TPRG1: variants seen among roughly 807,000 people sequenced by gnomAD.
The protein encoded by TPRG1 is tumor protein p63-regulated gene 1 protein.
A neutral mutation model predicts 29.3 loss-of-function variants in TPRG1; 29 were observed. The observed-to-expected ratio is 0.99, with a 90% CI of 0.74 to 1.35. The LOEUF (loss-of-function observed/expected upper bound fraction) is 1.35, where lower values mean the gene tolerates loss of function less well. TPRG1 is among the 40% of genes most tolerant of loss of function. The probability of loss-of-function intolerance (pLI) is 0.00; values close to 1 mark genes in which losing one functional copy is unlikely to be tolerated. For missense variants in TPRG1, 327 were observed against 335.0 expected (o/e 0.98, Z 0.19); for synonymous variants, 130 against 116.8 (o/e 1.11, Z -0.73).
chr3:189,072,164 T>G (rs1263504569), intron 4 of TPRG1, among the ~76,000 whole-genome samples: 1 of 152,226 alleles, frequency 6.6e-6, no homozygotes, highest in Non-Finnish European at 1.5e-5. Context: ...GCCCATCATT[T>G]AAGGATTTCC....
intron 5 of TPRG1, among the ~76,000 whole-genome samples, chr3:189,162,863 AAACT>A (rs1469717002): frequency 6.6e-6 from 1 of 152,254 alleles, no homozygotes; most frequent in Non-Finnish European, 1.5e-5. Flanking sequence ...GTTATTGTAG[AAACT>A]AACTGATTAA....
chr3:189,175,873 TCTTAA>T (rs1729424026), intron 1 of TPRG1, among the ~76,000 whole-genome samples: 1 of 152,202 alleles, frequency 6.6e-6, no homozygotes, highest in Admixed American at 6.5e-5. Flanking sequence ...CAAGTTGAGT[TCTTAA>T]CTTGTGTGAT....
intron 3 of TPRG1, among the ~76,000 whole-genome samples, chr3:189,236,204 G>A (rs1739432528): frequency 6.6e-6 from 1 of 152,166 alleles, no homozygotes; most frequent in Non-Finnish European, 1.5e-5. Flanking sequence ...TTGTGTCAGA[G>A]CAGAGCACTC....
At chr3:189,082,703 G>A (rs754897154) in intron 4 of TPRG1, among the ~76,000 whole-genome samples, 5 of 152,048 alleles carry the variant, frequency 3.3e-5, no homozygotes, top group South Asian at 2.1e-4. Flanking sequence ...TGAATTTCTC[G>A]AGCTCAGAAG....
At chr3:189,257,387 T>C (rs1712095131) in intron 4 of TPRG1, among the ~76,000 whole-genome samples, 1 of 152,236 alleles carries the variant, frequency 6.6e-6, no homozygotes, top group African/African-American at 2.4e-5. Flanking sequence ...GTTAGTCTGA[T>C]GGGCTTCCCT....
chr3:189,215,937 C>A (rs1301699325), intron 3 of TPRG1, among the ~76,000 whole-genome samples: 1 of 152,170 alleles, frequency 6.6e-6, no homozygotes, highest in Non-Finnish European at 1.5e-5. Context: ...TAACTGCCTG[C>A]ATTCCCCCCA....
chr3:189,143,877 G>A (rs929759682), intron 3 of TPRG1, among the ~76,000 whole-genome samples: 1 of 152,250 alleles, frequency 6.6e-6, no homozygotes, highest in South Asian at 2.1e-4. Context: ...AAGACTGGGG[G>A]CTTGAAGCTT....
chr3:189,062,344 T>G (rs1716168580), intron 4 of TPRG1, among the ~76,000 whole-genome samples: 1 of 152,128 alleles, frequency 6.6e-6, no homozygotes, highest in Admixed American at 6.6e-5. Context: ...ATACTAGGCT[T>G]AATACCTGGG....
At chr3:188,999,899 C>T (rs1158753692) in intron 1 of TPRG1, among the ~76,000 whole-genome samples, 6 of 151,956 alleles carry the variant, frequency 3.9e-5, no homozygotes, top group African/African-American at 1.5e-4. Context: ...TAAATTTCTA[C>T]GGTTTGAATC....
chr3:189,219,391 A>T (rs940232080), intron 3 of TPRG1, among the ~76,000 whole-genome samples: 5 of 152,170 alleles, frequency 3.3e-5, no homozygotes, highest in Admixed American at 6.5e-5. Context: ...GAGAATTCTA[A>T]TGAATCTCCG....
At chr3:189,197,488 C>A (rs1246977485) in intron 1 of TPRG1, among the ~76,000 whole-genome samples, 2 of 152,162 alleles carry the variant, frequency 1.3e-5, no homozygotes, top group Non-Finnish European at 2.9e-5. Flanking sequence ...TGTCCCTTTT[C>A]TGTCCCACAG....
chr3:189,054,200 T>C (rs374848021), intron 4 of TPRG1, among the ~76,000 whole-genome samples: 2 of 152,116 alleles, frequency 1.3e-5, no homozygotes, highest in Non-Finnish European at 2.9e-5. Flanking sequence ...AAAATTGTTA[T>C]GTCTCAAAGA....
chr3:189,137,296 ATGTGTGTGTGTGTGTGTGTGTGTGTGTG>A (rs10525363), intron 3 of TPRG1, among the ~76,000 whole-genome samples: 2 of 129,840 alleles, frequency 1.5e-5, no homozygotes, highest in Admixed American at 7.8e-5. Flanking sequence ...AAACCCCAAA[ATGTGTGTGTGTGTGTGTGTGTGTGTGTG>A]TGTGTGTGTG....
chr3:189,237,311 G>A (rs913939463), intron 3 of TPRG1, among the ~76,000 whole-genome samples: 7 of 151,524 alleles, frequency 4.6e-5, no homozygotes, highest in Admixed American at 1.3e-4. Flanking sequence ...ACACACACAC[G>A]CACTCACACA....
chr3:189,264,058 C>G (rs1010373093), intron 4 of TPRG1, among the ~76,000 whole-genome samples: 85 of 152,120 alleles, frequency 5.6e-4, no homozygotes, highest in Admixed American at 5.3e-3. Context: ...TATGAAGTCT[C>G]CACCTCAACT....
intron 4 of TPRG1, among the ~76,000 whole-genome samples, chr3:189,030,247 G>T (rs1338259139): frequency 1.3e-5 from 2 of 152,124 alleles, no homozygotes; most frequent in African/African-American, 4.8e-5. Context: ...TAAGGAAATT[G>T]TGTGAGATGA....
rs145740023 is a variant in TPRG1 at position 189,217,020 on chromosome 3, G to A, written c.302+1637G>A. Among the ~76,000 whole-genome samples the A allele has an allele frequency of 5.3e-5, 8 of 152,268 alleles. No individual in the cohort carries two copies. In the East Asian group the frequency reaches 1.5e-3, roughly 29 times the overall value. ...GCTGTTGTTGAGTTCTCAGATAATAGAACTGGTAATTTCTTTAATCTTGCA... is the reference window on the plus strand; with the variant it reads ...GCTGTTGTTGAGTTCTCAGATAATAAAACTGGTAATTTCTTTAATCTTGCA... On this transcript the variant is annotated intron_variant, in intron 3 of 5. Coordinates refer to ENST00000345063, the MANE Select transcript of TPRG1 (RefSeq NM_198485.4).
At chr3:188,999,068 T>A (rs2152121126) in intron 1 of TPRG1, among the ~76,000 whole-genome samples, 1 of 152,270 alleles carries the variant, frequency 6.6e-6, no homozygotes, top group Admixed American at 6.5e-5. Context: ...ATAAAAAACA[T>A]AAATCTCTTT....
intron 3 of TPRG1, among the ~76,000 whole-genome samples, chr3:189,133,288 C>T (rs1578470318): frequency 6.6e-6 from 1 of 152,118 alleles, no homozygotes; most frequent in African/African-American, 2.4e-5. Flanking sequence ...GAAGTAGTAA[C>T]GTTATGGGAA....
Sources: gnomAD v4.1 joint callset for allele counts (sites outside exome capture counted in the v4.1 genomes callset) on GRCh38, gnomAD v4.1.1 for gene constraint, MANE v1.5 for transcripts, NCBI Gene and HGNC (gene_info 2026-07-23, HGNC 2026-07-21) for gene names.